The following ZNF513 variants were observed in gnomAD, a reference collection of about 807,000 sequenced individuals.
The protein encoded by ZNF513 is zinc finger protein 513.
ZNF513 carries 16 observed loss-of-function variants against 39.7 expected under a neutral mutation model. The ratio of observed to expected loss-of-function variants is 0.40; its 90% CI spans 0.27 to 0.61. ZNF513 has a LOEUF of 0.61. Among genes scored for constraint, ZNF513 ranks in the 20% least tolerant of loss-of-function variants. The pLI, the probability that ZNF513 is intolerant of heterozygous loss-of-function variation, is 0.39. For synonymous variants in ZNF513, 348 were observed against 296.5 expected (o/e 1.17, Z -1.79); for missense variants, 699 against 743.6 (o/e 0.94, Z 0.70).
At chr2:27,379,941 G>A (rs1158939534) in intron 2 of ZNF513, 152 bp downstream of exon 2, 2 of 1,034,758 alleles carry the variant, frequency 1.9e-6, no homozygotes, top group East Asian at 2.4e-5. Flanking sequence ...GAAGTGATTG[G>A]ACCATTAAAC....
At chr2:27,379,104 T>C in intron 2 of ZNF513, 50 bp from the exon 3 acceptor site, 1 of 1,567,748 alleles carries the variant, frequency 6.4e-7, no homozygotes, top group Admixed American at 1.7e-5. Context: ...AGGATCAGGC[T>C]CCAAACTCTC....
At position 27,378,310 on chromosome 2, in the gene ZNF513, T is replaced by G. The variant is rs770386446; in HGVS notation, c.861A>C (p.Pro287=). The change falls in exon 4 of 4, where the codon CCA becomes CCC. Residue 287 remains proline (P), a synonymous_variant. Coordinates refer to ENST00000323703, the MANE Select transcript of ZNF513 (RefSeq NM_144631.6). This position sits in a 1 kb window ranked among gnomAD's most constrained non-coding sequence, Gnocchi z 8.0. The stretch of plus-strand genomic sequence containing the variant: ...CTTCACCCCGCAGCTGCCCACAGTC[T>G]GGCAGGAAACTGGCACCACCTGGTG... ...HVPPGGASFL[P]DCGQLRGEGE... is the part of the protein sequence containing the mutation. 1.9e-6 allele frequency: 3 copies of G among 1,600,942 alleles called. No individual in the cohort carries two copies. Among genetic ancestry groups the G allele is most frequent in the African/African-American group, 2.7e-5 (2 of 74,932 alleles).
In ZNF513 at chr2:27,377,467, G is replaced by A; in HGVS notation, c.*78C>T. ...CCTTATAGTGCCTACGTTAGTCTGT[G>A]TGGAGCCCCTGGCCAGCGGGGGAGA... On this transcript the variant is annotated 3_prime_UTR_variant, in exon 4 of 4. Coordinates refer to ENST00000323703, the MANE Select transcript of ZNF513 (RefSeq NM_144631.6). This position sits in a 1 kb window ranked among gnomAD's most constrained non-coding sequence, Gnocchi z 4.4. 2.0e-6 allele frequency: 3 copies of A among 1,499,002 alleles called. No individual in the cohort carries two copies. The highest frequency in any genetic ancestry group is 2.8e-6 in the Non-Finnish European group (3 of 1,083,410). 92.9% of individuals were successfully genotyped at this position (1,499,002 alleles called of 1,614,324 possible).
At chr2:27,380,307 C>G in intron 1 of ZNF513, 59 bp from the exon 2 acceptor site, 1 of 1,613,374 alleles carries the variant, frequency 6.2e-7, no homozygotes, top group Non-Finnish European at 8.5e-7. Context: ...GTGGACCACA[C>G]TTCCCGTACT....
Position 27,380,482 on chromosome 2 carries a change from C to A in ZNF513, c.45G>T (p.Glu15Asp). The change falls in exon 1 of 4, where the codon GAG (glutamate) becomes GAT (aspartate). Residue 15 changes from glutamate to aspartate, a missense_variant. This residue lies in a region of ZNF513 where 530 missense variants were observed against 499.3 expected (regional missense o/e 1.06). Coordinates refer to ENST00000323703, the MANE Select transcript of ZNF513 (RefSeq NM_144631.6). ...KQSHPQPVKC[E>D]GVKVDTEDSL... ...CCCCTGACCCCTGACCTTTGACCCC[C>A]TCGCATTTCACGGGCTGCGGGTGGC... 6.3e-7 allele frequency: 1 copy of A among 1,591,098 alleles called. No homozygotes were observed. Among genetic ancestry groups the A allele is most frequent in the East Asian group, 2.3e-5 (1 of 44,302 alleles).
Position 27,380,097 on chromosome 2 carries a change from C to T in ZNF513, c.207G>A (p.Ser69=), listed in dbSNP as rs530742919. 1.2e-6 allele frequency: 2 copies of T among 1,614,098 alleles called. No individual in the cohort carries two copies. The highest frequency in any genetic ancestry group is 1.7e-6 in the Non-Finnish European group (2 of 1,180,008). Residue 69 remains serine, a synonymous_variant, in exon 2 of 4, where the codon TCG becomes TCA. Transcript: ENST00000323703. ...SDQLMGFERD[S]EGDSLGARPG... ...AACCAAGACCCGAAAACCCACCTTCCGAGTCTCTCTCGAAGCCCATGAGCT... is the reference window on the plus strand; with the variant it reads ...AACCAAGACCCGAAAACCCACCTTCTGAGTCTCTCTCGAAGCCCATGAGCT...
chr2:27,379,559 T>A (rs536545462), intron 2 of ZNF513, among the ~76,000 whole-genome samples: 1 of 152,328 alleles, frequency 6.6e-6, no homozygotes, highest in East Asian at 1.9e-4. Flanking sequence ...GATATTTACA[T>A]GGATCCCCTC....
At chr2:27,379,541 A>G (rs991522719) in intron 2 of ZNF513, among the ~76,000 whole-genome samples, 1 of 152,228 alleles carries the variant, frequency 6.6e-6, no homozygotes, top group African/African-American at 2.4e-5. Flanking sequence ...TTGCCTGCCT[A>G]AAGAACAGAT....
At position 27,380,083 on chromosome 2, in the gene ZNF513, G is replaced by C. The variant is rs201575522; in HGVS notation, c.211+10C>G. 9 of 1,613,932 alleles carry C rather than the reference G, an allele frequency of 5.6e-6. No homozygotes were observed. The highest frequency in any genetic ancestry group is 7.6e-6 in the Non-Finnish European group (9 of 1,180,004). ...GGCCGCTAATCCTTAACCAAGACCCGAAAACCCACCTTCCGAGTCTCTCTC... is the reference window on the plus strand; with the variant it reads ...GGCCGCTAATCCTTAACCAAGACCCCAAAACCCACCTTCCGAGTCTCTCTC... On this transcript the variant is annotated intron_variant, in intron 2 of 3. Transcript: ENST00000323703.
Position 27,380,694 on chromosome 2 carries a change from C to T in ZNF513, c.-168G>A, listed in dbSNP as rs1208332482. ...CCTGGCCCCGGCGCCCAGCTCAGGC[C>T]GCTCCCGCCGCCGCCGCCGCTTCCA... is the stretch of plus-strand genomic sequence containing the variant. On this transcript the variant is annotated 5_prime_UTR_variant, in exon 1 of 4. Coordinates refer to ENST00000323703, the MANE Select transcript of ZNF513 (RefSeq NM_144631.6). 8.5e-7 allele frequency: 1 copy of T among 1,172,286 alleles called. No individual in the cohort carries two copies. Among genetic ancestry groups the T allele is most frequent in the East Asian group, 3.2e-5 (1 of 31,098 alleles). The allele number at this position is 1,172,286 out of a possible 1,614,324, so 72.6% of individuals were successfully genotyped here. A position where few individuals can be genotyped will look rare whatever the true frequency, so the allele number is the denominator to read the frequency against.
Position 27,380,584 on chromosome 2 carries a change from C to G in ZNF513, c.-58G>C. The G allele has an allele frequency of 6.5e-7, 1 of 1,540,124 alleles. No homozygotes were observed. Among genetic ancestry groups the G allele is most frequent in the Non-Finnish European group, 8.8e-7 (1 of 1,139,228 alleles). ...CTGCGGCCGCCCGACCCCGCCCCTC[C>G]TATCTCGGCCCGCCTGTCTGCCCTT... On this transcript the variant is annotated 5_prime_UTR_variant, in exon 1 of 4. Transcript: ENST00000323703.
In ZNF513 at chr2:27,377,682, C is replaced by T. The variant is rs201710240; in HGVS notation, c.1489G>A (p.Gly497Ser). 35 of 1,614,178 alleles carry T rather than the reference C, an allele frequency of 2.2e-5. No homozygotes were observed. Among genetic ancestry groups the T allele is most frequent in the East Asian group, 4.5e-5 (2 of 44,884 alleles). The stretch of plus-strand genomic sequence containing the variant: ...GAGAGACCAGGCCCTCCTGCCCCAC[C>T]GTGGCCATGCACCTTCTGGTGGCGC... ...YKRHQKVHGH[G>S]GAGGPGLSAS... Residue 497 changes from glycine (G) to serine (S), a missense_variant, in exon 4 of 4, where the codon GGT (glycine) becomes AGT (serine). Coordinates refer to ENST00000323703, the MANE Select transcript of ZNF513 (RefSeq NM_144631.6). This position sits in a 1 kb window ranked among gnomAD's most constrained non-coding sequence, Gnocchi z 4.4.
At position 27,377,427 on chromosome 2, in the gene ZNF513, TG is replaced by T; in HGVS notation, c.*117del. The T allele has an allele frequency of 8.9e-7, 1 of 1,128,744 alleles. No individual in the cohort carries two copies. Among genetic ancestry groups the T allele is most frequent in the Non-Finnish European group, 1.3e-6 (1 of 766,782 alleles). The allele number at this position is 1,128,744 out of a possible 1,614,324, so 69.9% of individuals were successfully genotyped here. A position where few individuals can be genotyped will look rare whatever the true frequency, so the allele number is the denominator to read the frequency against. On this transcript the variant is annotated 3_prime_UTR_variant, in exon 4 of 4. Transcript: ENST00000323703. The surrounding 1 kb of genome is among the most constrained non-coding windows in gnomAD (Gnocchi z 4.4). Reference sequence around the variant, plus strand: ...TGGTCCATATGGGCCCCCCCGCCCATGGGGTTGGGCTGGTCCTTATAGTGCC... The same window carrying T: ...TGGTCCATATGGGCCCCCCCGCCCATGGGTTGGGCTGGTCCTTATAGTGCC...
intron 2 of ZNF513, among the ~76,000 whole-genome samples, chr2:27,379,762 C>T (rs1179126938): frequency 6.6e-6 from 1 of 152,200 alleles, no homozygotes; most frequent in Non-Finnish European, 1.5e-5. Flanking sequence ...GAATGATTTA[C>T]AGAGAGTTTG....
chr2:27,380,533 C>G lies in ZNF513; in HGVS notation c.-7G>C. The G allele has an allele frequency of 7.0e-6, 11 of 1,566,908 alleles. No individual in the cohort carries two copies. The highest frequency in any genetic ancestry group is 1.4e-5 in the African/African-American group (1 of 73,842). ...TTTGCTTCCTTCGGGGCATCGTGAC[C>G]GGCTCCAGCCCGACGCGCCTCCGGC... On this transcript the variant is annotated 5_prime_UTR_variant, in exon 1 of 4. Coordinates refer to ENST00000323703, the MANE Select transcript of ZNF513 (RefSeq NM_144631.6).
rs570581823 is a variant in ZNF513 at position 27,380,634 on chromosome 2, C to T, written c.-108G>A. ...TCCTCTCAGGGCCCGCGGGCCGCCC[C>T]CATGCAGCGGCGCGGGCCCTGGGCA... On this transcript the variant is annotated 5_prime_UTR_variant, in exon 1 of 4. Transcript: ENST00000323703. 2.1e-3 allele frequency: 3,030 copies of T among 1,439,906 alleles called. 62 individuals are homozygous for T. In the African/African-American group the frequency reaches 0.04, roughly 19 times the overall value. The allele number at this position is 1,439,906 out of a possible 1,614,324, so 89.2% of individuals were successfully genotyped here.
In ZNF513 at chr2:27,378,069, CA is replaced by C; in HGVS notation, c.1101del (p.Phe367LeufsTer13). The part of the protein sequence containing the change: ...DKGFACSLCP[F>X]ATHYPNHLAR... The stretch of plus-strand genomic sequence containing the variant: ...GCCAGGTGGTTGGGATAGTGAGTGG[CA>C]AAGGGGCAGAGGCTACAGGCAAAGC... On this transcript the variant is annotated frameshift_variant, in exon 4 of 4. Transcript: ENST00000323703. LOFTEE classifies it high-confidence loss of function. The surrounding 1 kb of genome is among the most constrained non-coding windows in gnomAD (Gnocchi z 8.0). 1 of 1,610,986 alleles carries C rather than the reference CA, an allele frequency of 6.2e-7. No individual in the cohort carries two copies. Among genetic ancestry groups the C allele is most frequent in the Non-Finnish European group, 8.5e-7 (1 of 1,177,904 alleles).
chr2:27,378,831 G>A lies in ZNF513; in HGVS notation c.435C>T (p.Pro145=). ...AGGPGGGPLL[P]PRLLYSCRLC... ...GGCGGCATGAGTACAGTAGCCGTGGGGGCAGCAGGGGCCCCCCACCCGGCC... is the reference window on the plus strand; with the variant it reads ...GGCGGCATGAGTACAGTAGCCGTGGAGGCAGCAGGGGCCCCCCACCCGGCC... The change falls in exon 3 of 4, where the codon CCC becomes CCT. Residue 145 remains proline (P), a synonymous_variant. Transcript: ENST00000323703. This position sits in a 1 kb window ranked among gnomAD's most constrained non-coding sequence, Gnocchi z 8.0. 1 of 1,610,552 alleles carries A rather than the reference G, an allele frequency of 6.2e-7. No homozygotes were observed. Among genetic ancestry groups the A allele is most frequent in the Non-Finnish European group, 8.5e-7 (1 of 1,178,426 alleles).
chr2:27,379,355 A>G (rs1343954908), intron 2 of ZNF513, among the ~76,000 whole-genome samples: 1 of 152,192 alleles, frequency 6.6e-6, no homozygotes, highest in African/African-American at 2.4e-5. Flanking sequence ...TCCATAATGA[A>G]ATTAATTCTT....
Sources: gnomAD v4.1 joint callset for allele counts (sites outside exome capture counted in the v4.1 genomes callset) on GRCh38, gnomAD v4.1.1 for gene constraint, gnomAD v4.1.1 regional missense constraint, Gnocchi (gnomAD v3.1) non-coding constraint, MANE v1.5 for transcripts, NCBI Gene and HGNC (gene_info 2026-07-23, HGNC 2026-07-21) for gene names.